Variants in PPT1 observed in about 807,000 individuals in gnomAD.
PPT1 encodes the protein palmitoyl-protein thioesterase 1, also known as ceroid-palmitoyl-palmitoyl-protein thioesterase 1.
Under a neutral mutation model 44.0 loss-of-function variants are expected in PPT1, and 24 were observed. The ratio of observed to expected loss-of-function variants is 0.54; its 90% CI spans 0.39 to 0.77. The LOEUF (loss-of-function observed/expected upper bound fraction) is 0.77, where lower values mean the gene tolerates loss of function less well. Among genes scored for constraint, PPT1 ranks in the 30% least tolerant of loss-of-function variants. PPT1 has a pLI of 0.00. For missense variants in PPT1, 341 were observed against 378.8 expected (o/e 0.90, Z 0.83); for synonymous variants, 148 against 140.2 (o/e 1.06, Z -0.39).
chr1:40,081,722 C>T (rs1312923072), intron 5 of PPT1, among the ~76,000 whole-genome samples: 1 of 152,072 alleles, frequency 6.6e-6, no homozygotes, highest in African/African-American at 2.4e-5. Context: ...TGCCCAGTCT[C>T]GGGTATGTCT....
In PPT1 at chr1:40,073,939, G is replaced by C; in HGVS notation, c.*122C>G. 2.0e-5 allele frequency: 26 copies of C among 1,308,460 alleles called. No homozygotes were observed. The highest frequency in any genetic ancestry group is 2.8e-5 in the Non-Finnish European group (26 of 914,854). The allele number at this position is 1,308,460 out of a possible 1,614,324, so 81.1% of individuals were successfully genotyped here. A position where few individuals can be genotyped will look rare whatever the true frequency, so the allele number is the denominator to read the frequency against. ...AGATCTTTCCAAGTAGGGCATGTTA[G>C]ATGATAGAAGGATTAGTTGCAAGCT... is the stretch of plus-strand genomic sequence containing the variant. On this transcript the variant is annotated 3_prime_UTR_variant, in exon 9 of 9. Coordinates refer to ENST00000642050, the MANE Select transcript of PPT1 (RefSeq NM_000310.4).
chr1:40,088,449 A>G (rs984146849), intron 5 of PPT1, among the ~76,000 whole-genome samples: 2 of 152,158 alleles, frequency 1.3e-5, no homozygotes, highest in African/African-American at 4.8e-5. Context: ...CCGGCCCACA[A>G]CTTCTAAGGA....
Position 40,074,078 on chromosome 1 carries a change from T to C in PPT1, c.904A>G (p.Ile302Val), listed in dbSNP as rs146902902. ...TACGGGTTTCATCCAAGGAATGGTA[T>C]GATGTGGGCATAAAACCATTCTTCA... ...LSEEWFYAHI[I>V]PFLG Residue 302 changes from isoleucine to valine, a missense_variant, in exon 9 of 9, where the codon ATA becomes GTA. Physicochemically the swap from Ile to Val is conservative, Grantham distance 29. Transcript: ENST00000642050. 2,006 of 1,614,160 alleles carry C rather than the reference T, an allele frequency of 1.2e-3. 2 individuals carry two copies. Among genetic ancestry groups the C allele is most frequent in the Non-Finnish European group, 1.5e-3 (1,733 of 1,180,022 alleles).
At chr1:40,089,260 TGGG>T (rs1649422678) in intron 5 of PPT1, 147 bp downstream of exon 5, 1 of 460,996 alleles carries the variant, frequency 2.2e-6, no homozygotes, top group Non-Finnish European at 3.7e-6. Flanking sequence ...CCCTCCAGCC[TGGG>T]CAACAAGAGC....
At chr1:40,084,819 C>G (rs3131653) in intron 5 of PPT1, among the ~76,000 whole-genome samples, 121,069 of 152,220 alleles carry the variant, frequency 0.8, 48,262 homozygotes, top group East Asian at 0.88. Context: ...GGGACATGCT[C>G]AGAAGTGACC....
chr1:40,079,837 A>G (rs1015200494), intron 6 of PPT1, among the ~76,000 whole-genome samples: 1 of 152,228 alleles, frequency 6.6e-6, no homozygotes, highest in Non-Finnish European at 1.5e-5. Context: ...CCAAGACAAA[A>G]TAAGAAACTG....
rs771910918 is a variant in PPT1 at position 40,092,066 on chromosome 1, A to C, written c.341T>G (p.Phe114Cys). The C allele has an allele frequency of 6.2e-7, 1 of 1,614,120 alleles. No homozygotes were observed. The highest frequency in any genetic ancestry group is 1.1e-5 in the South Asian group (1 of 91,090). The change falls in exon 3 of 9, where the codon TTC (phenylalanine) becomes TGC (cysteine). Residue 114 changes from phenylalanine (F) to cysteine (C), a missense_variant. By Grantham distance (205) the Phe-to-Cys change is radical. Coordinates refer to ENST00000642050, the MANE Select transcript of PPT1 (RefSeq NM_000310.4). ...GTACAGAAATTGGCCTCCCTGGGAGAATCCCATAGCATTGTAGCCTTGCTG... is the reference window on the plus strand; with the variant it reads ...GTACAGAAATTGGCCTCCCTGGGAGCATCCCATAGCATTGTAGCCTTGCTG... ...KLQQGYNAMG[F>C]SQGGQFLRAV...
intron 6 of PPT1, 32 bp downstream of exon 6, chr1:40,080,365 C>T (rs1343702696): frequency 6.3e-7 from 1 of 1,591,350 alleles, no homozygotes; most frequent in Admixed American, 1.7e-5. Context: ...AAAAAGAACG[C>T]ACATCTATGG....
intron 5 of PPT1, among the ~76,000 whole-genome samples, chr1:40,087,462 T>C (rs1042466390): frequency 1.6e-4 from 25 of 151,906 alleles, no homozygotes; most frequent in African/African-American, 6.0e-4. Context: ...AGGCTGGTCT[T>C]GAACTCCAGG....
At chr1:40,095,953 C>T (rs944668510) in intron 1 of PPT1, among the ~76,000 whole-genome samples, 2 of 152,160 alleles carry the variant, frequency 1.3e-5, no homozygotes, top group Non-Finnish European at 2.9e-5. Flanking sequence ...AACTTCTGTA[C>T]CTGCCCCTCC....
chr1:40,096,481 G>A (rs1448666311), intron 1 of PPT1, among the ~76,000 whole-genome samples: 1 of 152,126 alleles, frequency 6.6e-6, no homozygotes, highest in Admixed American at 6.5e-5. Flanking sequence ...GATGCCACAA[G>A]TGGAAAATTC....
intron 8 of PPT1, 57 bp downstream of exon 8, chr1:40,076,785 C>T: frequency 1.2e-6 from 2 of 1,612,826 alleles, no homozygotes; most frequent in Non-Finnish European, 1.7e-6. Context: ...ATAGCAGCTT[C>T]AGGAACTGGG....
chr1:40,094,051 G>A, intron 1 of PPT1: 2 of 674,086 alleles, frequency 3.0e-6, no homozygotes, highest in East Asian at 5.5e-5. Flanking sequence ...GCCCATATAG[G>A]ATAATTAAGA....
chr1:40,075,068 A>C (rs1648542651), intron 8 of PPT1: 1 of 152,162 alleles, frequency 6.6e-6, no homozygotes, highest in Non-Finnish European at 1.5e-5. Flanking sequence ...CAGCCTGACC[A>C]ATATGATGAC....
chr1:40,089,173 G>T (rs1649417534), intron 5 of PPT1, among the ~76,000 whole-genome samples: 1 of 151,762 alleles, frequency 6.6e-6, no homozygotes. Context: ...TGTAATCCCA[G>T]CTACTCGGAG....
chr1:40,095,551 T>A (rs1182450076), intron 1 of PPT1, among the ~76,000 whole-genome samples: 1 of 152,186 alleles, frequency 6.6e-6, no homozygotes, highest in Non-Finnish European at 1.5e-5. Context: ...AGTCAGCTTG[T>A]CCTACAGGCT....
At chr1:40,093,385 G>C (rs1649669714) in intron 1 of PPT1, among the ~76,000 whole-genome samples, 3 of 5,384 alleles carry the variant, frequency 5.6e-4, no homozygotes. Context: ...GGGGGCAATA[G>C]GGAGTGATTG....
rs1481984506 is a variant in PPT1 at position 40,073,651 on chromosome 1, T to C, written c.*410A>G. ...TCACCAGCAAAACAAAGCATTTATG[T>C]GAGTACCTCAGGCCTGGGCACCTCT... is the stretch of plus-strand genomic sequence containing the variant. On this transcript the variant is annotated 3_prime_UTR_variant, in exon 9 of 9. Coordinates refer to ENST00000642050, the MANE Select transcript of PPT1 (RefSeq NM_000310.4). The C allele has an allele frequency of 4.8e-6, 1 of 207,364 alleles. No individual in the cohort carries two copies. Among genetic ancestry groups the C allele is most frequent in the Non-Finnish European group, 1.0e-5 (1 of 99,962 alleles). 12.8% of individuals were successfully genotyped at this position (207,364 alleles called of 1,614,324 possible).
intron 8 of PPT1, among the ~76,000 whole-genome samples, chr1:40,075,576 G>A (rs937526703): frequency 4.6e-5 from 7 of 151,224 alleles, no homozygotes; most frequent in Non-Finnish European, 1.0e-4. Flanking sequence ...GCCAAGAGGA[G>A]ACAAATGACC....
Sources: allele counts gnomAD v4.1 joint callset (sites outside exome capture counted in the v4.1 genomes callset), GRCh38; gene constraint gnomAD v4.1.1; transcripts MANE v1.5; gene names NCBI Gene and HGNC (gene_info 2026-07-23, HGNC 2026-07-21).